The following RGPD3 variants were observed in gnomAD, a reference collection of about 807,000 sequenced individuals.
RGPD3 encodes RANBP2 like and GRIP domain containing 3, also known as ranBP2-like and GRIP domain-containing protein 3.
RGPD3 carries 62 observed loss-of-function variants against 154.5 expected under a neutral mutation model. The observed-to-expected ratio is 0.40, with a 90% CI of 0.33 to 0.50. The LOEUF (loss-of-function observed/expected upper bound fraction) is 0.50, where lower values mean the gene tolerates loss of function less well. Ranked by LOEUF, RGPD3 falls within the 20% of genes least tolerant of loss-of-function variation. RGPD3 has a pLI of 0.59. For synonymous variants in RGPD3, 308 were observed against 607.0 expected (o/e 0.51, Z 7.24); for missense variants, 919 against 1,716.8 (o/e 0.54, Z 8.21).
chr2:106,468,809 A>C (rs1678735070), upstream of RGPD3, among the ~76,000 whole-genome samples: 2 of 33,380 alleles, frequency 6.0e-5, no homozygotes, highest in African/African-American at 1.4e-4. Context: ...CCATCTCAAA[A>C]AAAAAAAAAA....
chr2:106,451,843 G>A (rs1226444725), intron 6 of RGPD3, among the ~76,000 whole-genome samples: 1 of 151,894 alleles, frequency 6.6e-6, no homozygotes, highest in Non-Finnish European at 1.5e-5. Flanking sequence ...GCCATCTGAT[G>A]ACAGATGAAC....
In RGPD3 at chr2:106,443,568, C is replaced by G. The variant is rs542522136; in HGVS notation, c.979-2188G>C. 7.6e-5 allele frequency among the ~76,000 whole-genome samples: 8 copies of G among 105,102 alleles called. No individual in the cohort carries two copies. The East Asian group carries it at 2.5e-3, about 33-fold the overall frequency. 69.0% of individuals were successfully genotyped at this position (105,102 alleles called of 152,430 possible). On this transcript the variant is annotated intron_variant, in intron 7 of 22. Transcript: ENST00000409886. ...ATGTTGACATCATTCTTTTTGTTTT[C>G]AAACTGACCTCAATTCATAAACCCG...
chr2:106,451,753 GTTA>G (rs1464111469), intron 6 of RGPD3, among the ~76,000 whole-genome samples: 1 of 151,868 alleles, frequency 6.6e-6, no homozygotes, highest in African/African-American at 2.4e-5. Flanking sequence ...ACATAGTTCA[GTTA>G]TTTTGTTTCT....
In RGPD3 at chr2:106,468,367, G is replaced by T; in HGVS notation, c.-79C>A. Reference sequence around the variant, plus strand: ...CAGTCGCCAATTCCAAGAGGAAAGCGCCTGAAAGCCACTGAGGCAGCGGCG... The same window carrying T: ...CAGTCGCCAATTCCAAGAGGAAAGCTCCTGAAAGCCACTGAGGCAGCGGCG... On this transcript the variant is annotated 5_prime_UTR_variant, in exon 1 of 23. Coordinates refer to ENST00000409886, the MANE Select transcript of RGPD3 (RefSeq NM_001144013.2). 3 of 1,547,542 alleles carry T rather than the reference G, an allele frequency of 1.9e-6. No individual in the cohort carries two copies. The highest frequency in any genetic ancestry group is 2.0e-5 in the Admixed American group (1 of 50,826).
intron 7 of RGPD3, among the ~76,000 whole-genome samples, chr2:106,441,866 A>C: frequency 9.0e-6 from 1 of 110,732 alleles, no homozygotes; most frequent in African/African-American, 3.3e-5. Context: ...TCCATCGCAA[A>C]AAAAAAAAAA....
At chr2:106,438,678 A>T (rs1193468092) in intron 9 of RGPD3, among the ~76,000 whole-genome samples, 5 of 152,024 alleles carry the variant, frequency 3.3e-5, no homozygotes, top group Non-Finnish European at 7.4e-5. Context: ...GCTACTTGGG[A>T]GACTGAGGCA....
In RGPD3 at chr2:106,424,893, T is replaced by G; in HGVS notation, c.3074A>C (p.Asp1025Ala). The G allele has an allele frequency of 6.2e-7, 1 of 1,611,810 alleles. No individual in the cohort carries two copies. Among genetic ancestry groups the G allele is most frequent in the East Asian group, 2.2e-5 (1 of 44,822 alleles). The change falls in exon 20 of 23, where the codon GAT (aspartate) becomes GCT (alanine). Residue 1025 changes from aspartate to alanine, a missense_variant. Transcript: ENST00000409886. ...GCTGTCCTCAGTCTTATAGGCATCA[T>G]CATCTTTCTCAAAGTCACCGGAAGT... ...ANTSGDFEKD[D>A]DAYKTEDSDD...
intron 1 of RGPD3, among the ~76,000 whole-genome samples, chr2:106,463,341 T>A (rs2104521240): frequency 6.6e-6 from 1 of 152,388 alleles, no homozygotes; most frequent in Non-Finnish European, 1.5e-5. Context: ...CCGGGCATGG[T>A]GGCGCACACC....
chr2:106,410,690 C>T (rs71234762), intron 22 of RGPD3, among the ~76,000 whole-genome samples: 4 of 152,202 alleles, frequency 2.6e-5, no homozygotes, highest in Non-Finnish European at 4.4e-5. Context: ...TTCTGTCTTG[C>T]TTTTTATAGG....
intron 6 of RGPD3, among the ~76,000 whole-genome samples, chr2:106,448,101 AAATT>A (rs1157937261): frequency 4.0e-3 from 598 of 150,736 alleles, no homozygotes; most frequent in African/African-American, 0.013. Context: ...AGCATTAAAT[AAATT>A]GTCTTTTTTT....
At chr2:106,443,717 G>A (rs1411102030) in intron 7 of RGPD3, among the ~76,000 whole-genome samples, 2 of 105,594 alleles carry the variant, frequency 1.9e-5, no homozygotes, top group Non-Finnish European at 3.8e-5. Flanking sequence ...ATGGAGTCTC[G>A]CTCTGTTGCC....
rs1573274638 is a variant in RGPD3, at chr2:106,439,024, A to G, written c.1220T>C (p.Ile407Thr). The change falls in exon 9 of 23, where the codon ATT becomes ACT. Residue 407 changes from isoleucine to threonine, a missense_variant. By Grantham distance (89) the Ile-to-Thr change is moderately conservative (BLOSUM62 -1). Coordinates refer to ENST00000409886, the MANE Select transcript of RGPD3 (RefSeq NM_001144013.2). ...KDTSFLGSDD[I>T]GNIDVQEPEL... ...TGGTTCTTGTACATCAATGTTTCCA[A>G]TATCATCGCTACCAAGAAAAGATGT... 3.4e-6 allele frequency: 1 copy of G among 293,552 alleles called. No homozygotes were observed. The allele number at this position is 293,552 out of a possible 1,614,324, so 18.2% of individuals were successfully genotyped here.
chr2:106,468,275 T>C lies in RGPD3; in HGVS notation c.14A>G (p.Lys5Arg), dbSNP rs746779932. 6.2e-7 allele frequency: 1 copy of C among 1,607,262 alleles called. No homozygotes were observed. The highest frequency in any genetic ancestry group is 1.1e-5 in the South Asian group (1 of 89,778). Residue 5 changes from lysine to arginine, a missense_variant, in exon 1 of 23, where the codon AAG becomes AGG. Physicochemically the swap from Lys to Arg is conservative, Grantham distance 26 (BLOSUM62 2). Coordinates refer to ENST00000409886, the MANE Select transcript of RGPD3 (RefSeq NM_001144013.2). ...GGCGACGTACCGCTCCCCGTAGGCC[T>C]TGCTGCAACTCATCGCGCCACCAAC... is the stretch of plus-strand genomic sequence containing the variant. MSCSKAYGERYVASV... is the reference protein window; with the variant it reads MSCSRAYGERYVASV...
intron 22 of RGPD3, among the ~76,000 whole-genome samples, chr2:106,407,389 A>G (rs1485361052): frequency 6.6e-6 from 1 of 152,182 alleles, no homozygotes; most frequent in Non-Finnish European, 1.5e-5. Context: ...GGAGGCAATG[A>G]GGGCAAAGAA....
rs761245243 is a variant in RGPD3 at position 106,424,125 on chromosome 2, T to C, written c.3842A>G (p.Asn1281Ser). The C allele has an allele frequency of 1.9e-6, 3 of 1,590,838 alleles. No homozygotes were observed. In the Admixed American group the frequency reaches 5.1e-5, roughly 27 times the overall value. ...SPLASSPVRK[N>S]LFHFDESTTG... ...TGTTGACTCATCAAAGTGGAAAAGA[T>C]TTTTTCTCACAGGGCTACTTGCCAA... Residue 1281 changes from asparagine (N) to serine (S), a missense_variant, in exon 20 of 23, where the codon AAT becomes AGT. Coordinates refer to ENST00000409886, the MANE Select transcript of RGPD3 (RefSeq NM_001144013.2).
rs1573232442 is a variant in RGPD3 at position 106,404,496 on chromosome 2, T to C, written c.*723A>G. ...AATTAACTGCAGCATATTTACTTCA[T>C]AGCCCCTTAACATGTCACTTTTACC... On this transcript the variant is annotated 3_prime_UTR_variant, in exon 23 of 23. Coordinates refer to ENST00000409886, the MANE Select transcript of RGPD3 (RefSeq NM_001144013.2). Among the ~76,000 whole-genome samples, 3 of 138,072 alleles carry C rather than the reference T, an allele frequency of 2.2e-5. No individual in the cohort carries two copies. The highest frequency in any genetic ancestry group is 2.3e-4 in the South Asian group (1 of 4,270). The allele number at this position is 138,072 out of a possible 152,430, so 90.6% of individuals were successfully genotyped here.
At chr2:106,462,681 A>G (rs1678439355) in intron 1 of RGPD3, among the ~76,000 whole-genome samples, 1 of 152,048 alleles carries the variant, frequency 6.6e-6, no homozygotes, top group Non-Finnish European at 1.5e-5. Flanking sequence ...GCAGTTCTGA[A>G]TTTCTCTTTT....
At position 106,405,067 on chromosome 2, in the gene RGPD3, C is replaced by A; in HGVS notation, c.*152G>T. ...AAATATATGTAAATGCAAACATATA[C>A]ACACTTTTTGACAAAAGAATGATGG... On this transcript the variant is annotated 3_prime_UTR_variant, in exon 23 of 23. Coordinates refer to ENST00000409886, the MANE Select transcript of RGPD3 (RefSeq NM_001144013.2). 1.2e-6 allele frequency: 1 copy of A among 818,748 alleles called. No individual in the cohort carries two copies. The highest frequency in any genetic ancestry group is 2.6e-5 in the East Asian group (1 of 38,146). 50.7% of individuals were successfully genotyped at this position (818,748 alleles called of 1,614,324 possible).
At chr2:106,418,060 G>A (rs545660278) in intron 20 of RGPD3, among the ~76,000 whole-genome samples, 8 of 144,914 alleles carry the variant, frequency 5.5e-5, no homozygotes, top group South Asian at 2.3e-4. Flanking sequence ...GCCAGGAGGC[G>A]GAGGTTGTAG....
Sources: gnomAD v4.1 joint callset for allele counts (sites outside exome capture counted in the v4.1 genomes callset) on GRCh38, gnomAD v4.1.1 for gene constraint, MANE v1.5 for transcripts, NCBI Gene and HGNC (gene_info 2026-07-23, HGNC 2026-07-21) for gene names.